ACTR5: variants seen among roughly 807,000 people sequenced by gnomAD.
The protein encoded by ACTR5 is actin related protein 5.
A neutral mutation model predicts 61.2 loss-of-function variants in ACTR5; 43 were observed. The ratio of observed to expected loss-of-function variants is 0.70; its 90% confidence interval spans 0.55 to 0.91. ACTR5 has a LOEUF of 0.91. Ranked by LOEUF, ACTR5 falls within the 40% of genes least tolerant of loss-of-function variation. The pLI, the probability that ACTR5 is intolerant of heterozygous loss-of-function variation, is 0.00. For synonymous variants in ACTR5, 333 were observed against 310.5 expected (o/e 1.07, Z -0.76); for missense variants, 798 against 782.2 (o/e 1.02, Z -0.24).
rs760614374 is a variant in ACTR5, at chr20:38,750,250, C to T, written c.605+11C>T. On this transcript the variant is annotated intron_variant, in intron 2 of 8. Coordinates refer to ENST00000243903, the MANE Select transcript of ACTR5 (RefSeq NM_024855.4). ...CATCTTAGAAGGGAGGTGAGTTGCA[C>T]TTGTGGCATTTGAGTGCGATTTTGA... 1.7e-4 allele frequency: 275 copies of T among 1,607,120 alleles called. No homozygotes were observed. The highest frequency in any genetic ancestry group is 3.2e-5 in the Non-Finnish European group (38 of 1,175,292).
chr20:38,750,355 C>T (rs754306754), intron 2 of ACTR5, 116 bp downstream of exon 2: 65 of 864,692 alleles, frequency 7.5e-5, no homozygotes, highest in Non-Finnish European at 9.4e-5. Context: ...TGAACTGAGC[C>T]GTTGGGCTTA....
intron 5 of ACTR5, 147 bp from the exon 6 acceptor site, chr20:38,765,255 T>A (rs954756202): frequency 4.7e-6 from 3 of 635,400 alleles, no homozygotes; most frequent in Non-Finnish European, 8.2e-6. Flanking sequence ...TGTGCTTTTT[T>A]AAAAATAGCT....
At chr20:38,749,881 C>T (rs1457086130) in intron 1 of ACTR5, 129 bp from the exon 2 acceptor site, 4 of 687,012 alleles carry the variant, frequency 5.8e-6, no homozygotes, top group African/African-American at 1.8e-5. Context: ...TTATAATCGC[C>T]TCTGATCAGG....
At chr20:38,750,600 TTTTTTGTTTTTTTTTTG>T (rs1027352322) in intron 2 of ACTR5, among the ~76,000 whole-genome samples, 3 of 20,136 alleles carry the variant, frequency 1.5e-4, no homozygotes, top group East Asian at 0.05. Context: ...TTCTGGAGTT[TTTTTTGTTTTTTTTTTG>T]TTTTTGTTTT....
At chr20:38,770,135 C>G (rs868419407) in intron 8 of ACTR5, among the ~76,000 whole-genome samples, 1 of 152,012 alleles carries the variant, frequency 6.6e-6, no homozygotes, top group Non-Finnish European at 1.5e-5. Flanking sequence ...TTTCTGCCCC[C>G]TTTCACATTG....
At chr20:38,749,840 C>G (rs1051513921) in intron 1 of ACTR5, among the ~76,000 whole-genome samples, 170 bp from the exon 2 acceptor site, 24 of 152,182 alleles carry the variant, frequency 1.6e-4, no homozygotes, top group Admixed American at 6.5e-5. Flanking sequence ...ACTCTACTTT[C>G]GTATTTTCAA....
In ACTR5 at chr20:38,753,897, T is replaced by C. The variant is rs535315939; in HGVS notation, c.776-1060T>C. On this transcript the variant is annotated intron_variant, in intron 3 of 8. Transcript: ENST00000243903. ...GCTTTTTTTTTTTTTTTTTAAAGTA[T>C]TTTATCTGTTGTGTTTTTTACTCTA... 1.4e-3 allele frequency among the ~76,000 whole-genome samples: 206 copies of C among 151,574 alleles called. 2 individuals carry two copies. The South Asian group carries it at 0.019, about 14-fold the overall frequency.
At position 38,758,280 on chromosome 20, in the gene ACTR5, A is replaced by T. The variant is rs778026754; in HGVS notation, c.1176+2241A>T. Among the ~76,000 whole-genome samples the T allele has an allele frequency of 3.6e-4, 55 of 152,326 alleles. 1 individual carries two copies. The highest frequency in any genetic ancestry group is 6.3e-4 in the Non-Finnish European group (43 of 68,020). On this transcript the variant is annotated intron_variant, in intron 5 of 8. Coordinates refer to ENST00000243903, the MANE Select transcript of ACTR5 (RefSeq NM_024855.4). ...CTTCATTTTATGCTCTGGTACACAC[A>T]TTTAAATCTCCTTGGGTTTAGGGGA...
intron 1 of ACTR5, 124 bp downstream of exon 1, chr20:38,748,977 C>T (rs774675309): frequency 2.4e-5 from 30 of 1,231,356 alleles, no homozygotes; most frequent in Non-Finnish European, 3.0e-5. Context: ...TTTAGTCGAC[C>T]AGATGCTAGG....
chr20:38,770,789 C>G (rs1806336852), intron 8 of ACTR5, among the ~76,000 whole-genome samples: 3 of 152,232 alleles, frequency 2.0e-5, no homozygotes, highest in African/African-American at 7.2e-5. Context: ...AGCTGGACTC[C>G]TGAGCCTGCA....
At chr20:38,756,855 G>A (rs2084423113) in intron 5 of ACTR5, among the ~76,000 whole-genome samples, 1 of 152,218 alleles carries the variant, frequency 6.6e-6, no homozygotes, top group Non-Finnish European at 1.5e-5. Flanking sequence ...AGTGAGCCGA[G>A]ACCGCTCCGT....
At chr20:38,757,437 A>G (rs1028650735) in intron 5 of ACTR5, among the ~76,000 whole-genome samples, 3 of 152,138 alleles carry the variant, frequency 2.0e-5, no homozygotes, top group Non-Finnish European at 4.4e-5. Context: ...GCCTTGAGAC[A>G]TGTTTTAGGC....
chr20:38,771,449 A>C lies in ACTR5; in HGVS notation c.1567-110A>C, dbSNP rs1415467072. ...AACTGTCTTGGAGTGCACTGGGCCC[A>C]CCTATGTGTATATTTCTGGGGATAA... On this transcript the variant is annotated intron_variant, in intron 8 of 8. Transcript: ENST00000243903. 19 of 1,453,292 alleles carry C rather than the reference A, an allele frequency of 1.3e-5. No individual in the cohort carries two copies. The East Asian group carries it at 4.3e-4, about 33-fold the overall frequency. The allele number at this position is 1,453,292 out of a possible 1,614,324, so 90.0% of individuals were successfully genotyped here.
intron 5 of ACTR5, among the ~76,000 whole-genome samples, chr20:38,760,492 A>C (rs984017625): frequency 2.0e-5 from 3 of 152,236 alleles, no homozygotes; most frequent in Admixed American, 1.3e-4. Flanking sequence ...ATGTAGGATC[A>C]GATGTAGGAT....
At position 38,755,965 on chromosome 20, in the gene ACTR5, GT is replaced by G; in HGVS notation, c.1103del (p.Val368GlyfsTer20). 6.2e-7 allele frequency: 1 copy of G among 1,614,172 alleles called. No individual in the cohort carries two copies. Among genetic ancestry groups the G allele is most frequent in the Non-Finnish European group, 8.5e-7 (1 of 1,180,046 alleles). On this transcript the variant is annotated frameshift_variant, in exon 5 of 9. Transcript: ENST00000243903. LOFTEE classifies it high-confidence loss of function. ...QSYIQKLSIA[V>X]EQAKQKILQA... The stretch of plus-strand genomic sequence containing the variant: ...CTACATCCAGAAGCTCAGTATAGCA[GT>G]GGAGCAGGCTAAGCAGAAAATCCTC...
Position 38,748,833 on chromosome 20 carries a change from C to G in ACTR5, c.355C>G (p.His119Asp). ...GTTGCTGCTGGACTACAGCTTCCAG[C>G]ACCTGGGTGTCTCCTCACAGGTGAA... Reference protein sequence around the residue: ...QELLLDYSFQHLGVSSQGCVD... With the variant: ...QELLLDYSFQDLGVSSQGCVD... The change falls in exon 1 of 9, where the codon CAC becomes GAC. Residue 119 changes from histidine to aspartate, a missense_variant. By Grantham distance (81) the His-to-Asp change is moderately conservative. Transcript: ENST00000243903. 6.2e-7 allele frequency: 1 copy of G among 1,607,950 alleles called. No individual in the cohort carries two copies. The highest frequency in any genetic ancestry group is 1.1e-5 in the South Asian group (1 of 90,834).
chr20:38,752,941 C>A (rs565963695), intron 3 of ACTR5, among the ~76,000 whole-genome samples: 1 of 151,994 alleles, frequency 6.6e-6, no homozygotes, highest in African/African-American at 2.4e-5. Flanking sequence ...ATTGTGAAAA[C>A]CATATAACAT....
In ACTR5 at chr20:38,757,343, G is replaced by A. The variant is rs545131259; in HGVS notation, c.1176+1304G>A. On this transcript the variant is annotated intron_variant, in intron 5 of 8. Coordinates refer to ENST00000243903, the MANE Select transcript of ACTR5 (RefSeq NM_024855.4). ...CCAGAAGTCGCTGGTTGAGTCGCCTGCCTTTAGAACTGAAACAAAGAGTAA... is the reference window on the plus strand; with the variant it reads ...CCAGAAGTCGCTGGTTGAGTCGCCTACCTTTAGAACTGAAACAAAGAGTAA... Among the ~76,000 whole-genome samples, 52 of 152,274 alleles carry A rather than the reference G, an allele frequency of 3.4e-4. 2 individuals carry two copies. The East Asian group carries it at 9.7e-3, about 28-fold the overall frequency.
Position 38,767,542 on chromosome 20 carries a change from A to T in ACTR5, c.1512A>T (p.Lys504Asn). 1 of 1,614,134 alleles carries T rather than the reference A, an allele frequency of 6.2e-7. No individual in the cohort carries two copies. The highest frequency in any genetic ancestry group is 8.5e-7 in the Non-Finnish European group (1 of 1,180,002). Residue 504 changes from lysine (K) to asparagine (N), a missense_variant, in exon 8 of 9, where the codon AAA becomes AAT. Transcript: ENST00000243903. ...GCAACACGATGTATCCTGGCATGAA[A>T]GCCAGAATGGAGAAGGAACTGTTGG... Reference protein sequence around the residue: ...TGGNTMYPGMKARMEKELLEM... With the variant: ...TGGNTMYPGMNARMEKELLEM...
Sources: gnomAD v4.1 joint callset for allele counts (sites outside exome capture counted in the v4.1 genomes callset) on GRCh38, gnomAD v4.1.1 for gene constraint, MANE v1.5 for transcripts, NCBI Gene and HGNC (gene_info 2026-07-23, HGNC 2026-07-21) for gene names.